Variants in NFATC1 observed in about 807,000 individuals in gnomAD.
The protein encoded by NFATC1 is nuclear factor of activated T cells 1, also known as nuclear factor of activated T-cells, cytoplasmic 1.
A neutral mutation model predicts 76.0 loss-of-function variants in NFATC1; 22 were observed. The observed-to-expected ratio is 0.29, with a 90% CI of 0.21 to 0.41. The LOEUF is 0.41. Ranked by LOEUF, NFATC1 falls within the 10% of genes least tolerant of loss-of-function variation. The pLI is 1.00. For synonymous variants in NFATC1, 704 were observed against 613.1 expected, an observed-to-expected ratio of 1.15 and a Z score of -2.19; for missense variants, 1,357 against 1,337.7, an observed-to-expected ratio of 1.01 and a Z score of -0.23.
chr18:79,515,773 C>T (rs2090367378), intron 9 of NFATC1: 1 of 151,814 alleles, frequency 6.6e-6, no homozygotes, highest in African/African-American at 2.4e-5. Flanking sequence ...TCCTCGGGGT[C>T]CATTCACTTT....
At chr18:79,491,635 C>T (rs1413274279) in intron 9 of NFATC1, among the ~76,000 whole-genome samples, 1 of 152,218 alleles carries the variant, frequency 6.6e-6, no homozygotes, top group East Asian at 1.9e-4. Flanking sequence ...CTGCCGGGTC[C>T]ACTTTCCAGC....
In NFATC1 at chr18:79,527,508, C is replaced by T. The variant is rs1304946587; in HGVS notation, c.2783-20C>T. 1 of 1,608,192 alleles carries T rather than the reference C, an allele frequency of 6.2e-7. No individual in the cohort carries two copies. The highest frequency in any genetic ancestry group is 8.5e-7 in the Non-Finnish European group (1 of 1,174,780). On this transcript the variant is annotated intron_variant, in intron 9 of 9. Coordinates refer to ENST00000427363, the MANE Select transcript of NFATC1 (RefSeq NM_001278669.2). ...TTATGGTATTTCTCTAATACTTTCT[C>T]AATTTTTCTTTTCTTACAGTAAATG...
chr18:79,417,194 T>C (rs1410647303), intron 2 of NFATC1, among the ~76,000 whole-genome samples: 2 of 96,532 alleles, frequency 2.1e-5, no homozygotes, highest in East Asian at 2.9e-4. Context: ...TGGTGGGAGA[T>C]GGGAGATGGG....
intron 8 of NFATC1, 87 bp downstream of exon 8, chr18:79,467,669 C>T (rs2088584081): frequency 1.3e-6 from 2 of 1,579,926 alleles, no homozygotes; most frequent in East Asian, 2.3e-5. Context: ...CGCCGTAAAG[C>T]AGCGTGGCGT....
intron 1 of NFATC1, among the ~76,000 whole-genome samples, chr18:79,409,105 CCA>C (rs2085550218): frequency 2.2e-5 from 2 of 92,578 alleles, no homozygotes; most frequent in East Asian, 1.1e-3. Flanking sequence ...CATCATCCAT[CCA>C]TCCATCAAAC....
intron 8 of NFATC1, among the ~76,000 whole-genome samples, chr18:79,478,943 C>T (rs182201234): frequency 2.1e-4 from 32 of 152,310 alleles, no homozygotes; most frequent in African/African-American, 6.0e-4. Flanking sequence ...CTCTGCACGC[C>T]GCTGACCACT....
Position 79,486,662 on chromosome 18 carries a change from C to G in NFATC1, c.2507C>G (p.Pro836Arg). 1.9e-6 allele frequency: 3 copies of G among 1,604,124 alleles called. No individual in the cohort carries two copies. The Admixed American group carries it at 5.0e-5, about 27-fold the overall frequency. The change falls in exon 9 of 10, where the codon CCT becomes CGT. Residue 836 changes from proline (P) to arginine (R), a missense_variant. This residue lies in a region of NFATC1 where 424 missense variants were observed against 395.4 expected (regional missense o/e 1.07). Transcript: ENST00000427363. ...VSAPPSSSCP[P>R]GLEHSLCPSS... ...GCGCCTCCAAGCAGTAGCTGCCCCC[C>G]TGGTCTCGAACACTCGCTCTGCCCC...
chr18:79,472,274 G>T (rs1455930214), intron 8 of NFATC1, among the ~76,000 whole-genome samples: 1 of 152,148 alleles, frequency 6.6e-6, no homozygotes, highest in African/African-American at 2.4e-5. Context: ...CCTCTAGGAA[G>T]CCCCCTCCAG....
chr18:79,483,191 CGTGACCTGGTTCCTGGGGTGTAAT>C (rs2089360669), intron 8 of NFATC1, among the ~76,000 whole-genome samples: 1 of 108,998 alleles, frequency 9.2e-6, no homozygotes, highest in South Asian at 3.4e-4. Context: ...GTAATTCCAG[CGTGACCTGGTTCCTGGGGTGTAAT>C]TCCAGCGTGA....
intron 9 of NFATC1, among the ~76,000 whole-genome samples, chr18:79,513,532 A>G (rs925401368): frequency 1.3e-5 from 2 of 152,246 alleles, no homozygotes; most frequent in African/African-American, 4.8e-5. Context: ...GATTCAAACG[A>G]TAATTCGAAA....
chr18:79,458,827 T>C (rs1333730063), intron 6 of NFATC1, among the ~76,000 whole-genome samples: 2 of 152,286 alleles, frequency 1.3e-5, no homozygotes, highest in Admixed American at 1.3e-4. Flanking sequence ...TCTCCTTTCC[T>C]GAGATGCGAG....
chr18:79,470,100 T>TC (rs2088715585), intron 8 of NFATC1: 1 of 660,340 alleles, frequency 1.5e-6, no homozygotes, highest in African/African-American at 2.0e-5. Flanking sequence ...CCGAGGCCGC[T>TC]CCAGGACCTG....
At position 79,439,821 on chromosome 18, in the gene NFATC1, C is replaced by G. The variant is rs552236143; in HGVS notation, c.1386+6083C>G. Among the ~76,000 whole-genome samples the G allele has an allele frequency of 2.6e-3, 403 of 152,320 alleles. 4 individuals carry two copies. The highest frequency in any genetic ancestry group is 8.0e-3 in the Admixed American group (123 of 15,304). On this transcript the variant is annotated intron_variant, in intron 3 of 9. Coordinates refer to ENST00000427363, the MANE Select transcript of NFATC1 (RefSeq NM_001278669.2). ...CGGGCTCTGTTTTGAGCGATGGGGA[C>G]AGATGCTCGGTGCTGCTGGGAAGGT...
intron 3 of NFATC1, among the ~76,000 whole-genome samples, chr18:79,443,642 G>A (rs148887004): frequency 6.6e-6 from 1 of 152,342 alleles, no homozygotes; most frequent in African/African-American, 2.4e-5. Flanking sequence ...GGTCCCGTCT[G>A]CCCAGCCTCT....
Position 79,520,534 on chromosome 18 carries a change from G to C in NFATC1, c.2783-6994G>C, listed in dbSNP as rs534254518. On this transcript the variant is annotated intron_variant, in intron 9 of 9. Transcript: ENST00000427363. ...AAGCAGCAGAAGACTCTGTGTGTGG[G>C]GGGGGGAGGGTGCATCCACCACTAA... is the stretch of plus-strand genomic sequence containing the variant. Among the ~76,000 whole-genome samples, 131 of 150,520 alleles carry C rather than the reference G, an allele frequency of 8.7e-4. 4 individuals are homozygous for C. The South Asian group carries it at 0.024, about 27-fold the overall frequency.
chr18:79,410,329 G>GA lies in NFATC1; in HGVS notation c.128-74_128-73insA, dbSNP rs2148184733. ...TGGTCGAGGCCGGGGGTTGCTGGCCGGCCCTGAGTTCATGGGTTTCTGCTT... is the reference window on the plus strand; with the variant it reads ...TGGTCGAGGCCGGGGGTTGCTGGCCGAGCCCTGAGTTCATGGGTTTCTGCTT... On this transcript the variant is annotated intron_variant, in intron 1 of 9. Transcript: ENST00000427363. The surrounding 1 kb of genome is among the most constrained non-coding windows in gnomAD (Gnocchi z 6.7). 6.6e-7 allele frequency: 1 copy of GA among 1,525,604 alleles called. No individual in the cohort carries two copies. Among genetic ancestry groups the GA allele is most frequent in the African/African-American group, 1.4e-5 (1 of 72,664 alleles). 94.5% of individuals were successfully genotyped at this position (1,525,604 alleles called of 1,614,324 possible).
chr18:79,425,879 GTTCACTGTA>G (rs1475126012), intron 2 of NFATC1, among the ~76,000 whole-genome samples: 3 of 152,198 alleles, frequency 2.0e-5, no homozygotes, highest in African/African-American at 7.2e-5. Flanking sequence ...AACAAACACC[GTTCACTGTA>G]GAAGACTTTT....
chr18:79,454,989 C>T (rs1238325387), intron 6 of NFATC1, among the ~76,000 whole-genome samples: 2 of 152,146 alleles, frequency 1.3e-5, no homozygotes, highest in African/African-American at 4.8e-5. Context: ...CTGAGGGACA[C>T]ACTAACGTTC....
chr18:79,406,651 G>C (rs1037516020), intron 1 of NFATC1, among the ~76,000 whole-genome samples: 2 of 152,238 alleles, frequency 1.3e-5, no homozygotes, highest in African/African-American at 2.4e-5. Flanking sequence ...TTTTGGCTAA[G>C]GAATATCTTT....
Sources: allele counts gnomAD v4.1 joint callset (sites outside exome capture counted in the v4.1 genomes callset), GRCh38; gene constraint gnomAD v4.1.1; regional missense constraint gnomAD v4.1.1; non-coding constraint Gnocchi (gnomAD v3.1); transcripts MANE v1.5; gene names NCBI Gene and HGNC (gene_info 2026-07-23, HGNC 2026-07-21).